TOPORS: variants seen among roughly 807,000 people sequenced by gnomAD.
TOPORS encodes TOP1 binding arginine/serine rich protein, E3 ubiquitin ligase.
In TOPORS, 25 loss-of-function variants were observed where a neutral mutation model predicts 81.4. The observed-to-expected ratio is 0.31, with a 90% confidence interval of 0.22 to 0.43. TOPORS has a LOEUF of 0.43. TOPORS is among the 20% of genes least tolerant of loss of function. TOPORS has a pLI of 1.00. For synonymous variants in TOPORS, 473 were observed against 456.6 expected (o/e 1.04, Z -0.46); for missense variants, 1,101 against 1,267.0 (o/e 0.87, Z 1.99).
chr9:32,549,795 C>T (rs1418526581), intron 2 of TOPORS, among the ~76,000 whole-genome samples: 1 of 152,154 alleles, frequency 6.6e-6, no homozygotes, highest in African/African-American at 2.4e-5. Flanking sequence ...TAAAAATAAA[C>T]TGGTTCCTAC....
At chr9:32,552,346 C>CT in intron 1 of TOPORS, 88 bp downstream of exon 1, 1 of 1,553,398 alleles carries the variant, frequency 6.4e-7, no homozygotes, top group Non-Finnish European at 8.7e-7. Context: ...TAAAAGATGG[C>CT]TGCTGGCGCC....
intron 2 of TOPORS, among the ~76,000 whole-genome samples, chr9:32,545,274 A>T (rs1814506922): frequency 6.6e-6 from 1 of 152,008 alleles, no homozygotes; most frequent in African/African-American, 2.4e-5. Flanking sequence ...AGGCCACAGA[A>T]TATCTTGAAA....
rs533289643 is a variant in TOPORS, at chr9:32,548,038, G to T, written c.198+2736C>A. The stretch of plus-strand genomic sequence containing the variant: ...TTTTTTTTTTTGTATTTTTAGTAGA[G>T]ACGGGGTTTCACCGTGTTAGCCAGG... On this transcript the variant is annotated intron_variant, in intron 2 of 2. Transcript: ENST00000360538. 9.2e-5 allele frequency among the ~76,000 whole-genome samples: 12 copies of T among 130,528 alleles called. 1 individual carries two copies. The East Asian group carries it at 2.7e-3, about 29-fold the overall frequency. The allele number at this position is 130,528 out of a possible 152,430, so 85.6% of individuals were successfully genotyped here.
chr9:32,542,348 G>T lies in TOPORS; in HGVS notation c.2177C>A (p.Ser726Tyr). ...YESSYRRRTL[S>Y]RAHYSRQSSS... ...AGACTGTCTAGAATAATGAGCTCTG[G>T]ACAGAGTCCTCCTCCTGTAAGATGA... Residue 726 changes from serine (S) to tyrosine (Y), a missense_variant, in exon 3 of 3, where the codon TCC (serine) becomes TAC (tyrosine). This residue lies in a region of TOPORS where 605 missense variants were observed against 636.1 expected (regional missense o/e 0.95). Transcript: ENST00000360538. 1 of 1,614,050 alleles carries T rather than the reference G, an allele frequency of 6.2e-7. No individual in the cohort carries two copies. Among genetic ancestry groups the T allele is most frequent in the Non-Finnish European group, 8.5e-7 (1 of 1,180,008 alleles).
chr9:32,550,104 A>C (rs560232), intron 2 of TOPORS, among the ~76,000 whole-genome samples: 37,029 of 151,968 alleles, frequency 0.24, 4,814 homozygotes, highest in African/African-American at 0.31. Flanking sequence ...TTCTTAATTT[A>C]TCTTAAATAA....
chr9:32,542,628 C>G lies in TOPORS; in HGVS notation c.1897G>C (p.Glu633Gln), dbSNP rs1821084536. The G allele has an allele frequency of 6.2e-7, 1 of 1,614,064 alleles. No individual in the cohort carries two copies. The highest frequency in any genetic ancestry group is 8.5e-7 in the Non-Finnish European group (1 of 1,180,004). ...RMKSKRSRSRESSRPRGRRDK... is the reference protein window; with the variant it reads ...RMKSKRSRSRQSSRPRGRRDK... Reference sequence around the variant, plus strand: ...CTTCTCCCTCTAGGTCTGCTACTTTCCCTGCTTCTGGATCGTTTACTTTTC... The same window carrying G: ...CTTCTCCCTCTAGGTCTGCTACTTTGCCTGCTTCTGGATCGTTTACTTTTC... The change falls in exon 3 of 3, where the codon GAA (glutamate) becomes CAA (glutamine). Residue 633 changes from glutamate (E) to glutamine (Q), a missense_variant. Glu to Gln is a conservative substitution (Grantham distance 29). Transcript: ENST00000360538.
chr9:32,550,592 C>A (rs987368744), intron 2 of TOPORS, among the ~76,000 whole-genome samples, 182 bp downstream of exon 2: 1 of 152,126 alleles, frequency 6.6e-6, no homozygotes, highest in Admixed American at 6.5e-5. Context: ...CTCGCCTGCC[C>A]GCACCAATCC....
At chr9:32,547,995 C>T (rs989782594) in intron 2 of TOPORS, among the ~76,000 whole-genome samples, 1 of 131,206 alleles carries the variant, frequency 7.6e-6, no homozygotes, top group African/African-American at 3.0e-5. Flanking sequence ...CCACCACGCT[C>T]GGCATTTTTT....
chr9:32,547,328 T>C (rs1313231931), intron 2 of TOPORS, among the ~76,000 whole-genome samples: 3 of 152,204 alleles, frequency 2.0e-5, no homozygotes, highest in Non-Finnish European at 4.4e-5. Context: ...AAGTCGAACA[T>C]ATGACCCGGC....
chr9:32,545,391 C>A (rs1319547695), intron 2 of TOPORS, among the ~76,000 whole-genome samples: 1 of 150,814 alleles, frequency 6.6e-6, no homozygotes, highest in Non-Finnish European at 1.5e-5. Flanking sequence ...TTTGCTAGAG[C>A]TTGAAATCTA....
rs17855104 is a variant in TOPORS, at chr9:32,544,065, C to A, written c.460G>T (p.Ala154Ser). 5 of 1,614,048 alleles carry A rather than the reference C, an allele frequency of 3.1e-6. No individual in the cohort carries two copies. The African/African-American group carries it at 6.7e-5, about 22-fold the overall frequency. Residue 154 changes from alanine to serine, a missense_variant, in exon 3 of 3, where the codon GCA becomes TCA. By Grantham distance (99) the Ala-to-Ser change is moderately conservative. Around this residue, in one of 9 missense-constraint regions of TOPORS, gnomAD observed 10 missense variants for 21.4 expected, o/e 0.47. Transcript: ENST00000360538. ...PFDSIFHSVR[A>S]EDDFKEYVLR... ...ACATACTCCTTGAAGTCATCTTCTG[C>A]CCTCACAGAATGGAAAATAGAATCA...
Position 32,541,169 on chromosome 9 carries a change from T to C in TOPORS, c.*218A>G. 1 of 456,368 alleles carries C rather than the reference T, an allele frequency of 2.2e-6. No individual in the cohort carries two copies. The highest frequency in any genetic ancestry group is 3.7e-5 in the East Asian group (1 of 27,354). 28.3% of individuals were successfully genotyped at this position (456,368 alleles called of 1,614,324 possible). On this transcript the variant is annotated 3_prime_UTR_variant, in exon 3 of 3. Transcript: ENST00000360538. ...TTTAAATAAGCTGCTAGCAGTATCA[T>C]TTTCTTCACTTAAAAGTGCATATCT...
intron 2 of TOPORS, 133 bp downstream of exon 2, chr9:32,550,641 G>A (rs1821221854): frequency 1.0e-6 from 1 of 1,004,822 alleles, no homozygotes; most frequent in African/African-American, 1.6e-5. Flanking sequence ...CCCTGGCCCT[G>A]GCCCGCCGAG....
rs767276423 is a variant in TOPORS, at chr9:32,542,759, T to C, written c.1766A>G (p.His589Arg). 2.5e-6 allele frequency: 4 copies of C among 1,613,934 alleles called. No homozygotes were observed. Among genetic ancestry groups the C allele is most frequent in the African/African-American group, 1.3e-5 (1 of 74,924 alleles). ...TGATCTTCCCCTCTTTCTGTGTCTA[T>C]GGTTATATGGAGAATATACTCTGTC... is the stretch of plus-strand genomic sequence containing the variant. ...RGDRVYSPYN[H>R]RHRKRGRSRS... is the part of the protein sequence containing the mutation. Residue 589 changes from histidine to arginine, a missense_variant, in exon 3 of 3, where the codon CAT (histidine) becomes CGT (arginine). Physicochemically the swap from His to Arg is conservative, Grantham distance 29 (BLOSUM62 0). Coordinates refer to ENST00000360538, the MANE Select transcript of TOPORS (RefSeq NM_005802.5).
At chr9:32,550,709 G>A in intron 2 of TOPORS, 65 bp downstream of exon 2, 3 of 1,587,248 alleles carry the variant, frequency 1.9e-6, no homozygotes, top group Non-Finnish European at 2.6e-6. Context: ...CGCCGCTCCA[G>A]GCGGGAGCGC....
chr9:32,551,110 G>T, intron 1 of TOPORS, 142 bp from the exon 2 acceptor site: 1 of 1,079,270 alleles, frequency 9.3e-7, no homozygotes, highest in Non-Finnish European at 1.4e-6. Context: ...CTCGGGGGCG[G>T]GGCTCAGCGC....
At chr9:32,545,301 C>A (rs1404719196) in intron 2 of TOPORS, among the ~76,000 whole-genome samples, 1 of 151,806 alleles carries the variant, frequency 6.6e-6, no homozygotes, top group Non-Finnish European at 1.5e-5. Context: ...TTTTGGTCCC[C>A]TTCCCTATTA....
chr9:32,552,218 T>C (rs983264605), intron 1 of TOPORS: 1 of 633,256 alleles, frequency 1.6e-6, no homozygotes, highest in Non-Finnish European at 2.8e-6. Flanking sequence ...TTCTCGTTTA[T>C]TCCCCTCTCT....
chr9:32,551,227 A>T lies in TOPORS; in HGVS notation c.4-259T>A, dbSNP rs970731750. 18 of 591,984 alleles carry T rather than the reference A, an allele frequency of 3.0e-5. 1 individual carries two copies. The highest frequency in any genetic ancestry group is 2.4e-4 in the African/African-American group (13 of 53,750). The allele number at this position is 591,984 out of a possible 1,614,324, so 36.7% of individuals were successfully genotyped here. A position where few individuals can be genotyped will look rare whatever the true frequency, so the allele number is the denominator to read the frequency against. On this transcript the variant is annotated intron_variant, in intron 1 of 2. Coordinates refer to ENST00000360538, the MANE Select transcript of TOPORS (RefSeq NM_005802.5). ...CTCAGCCACTGGGGACACTGACTGA[A>T]TGTTCGCCCCTAACTTACCCGGAAA...
Sources: allele counts gnomAD v4.1 joint callset (sites outside exome capture counted in the v4.1 genomes callset), GRCh38; gene constraint gnomAD v4.1.1; regional missense constraint gnomAD v4.1.1; transcripts MANE v1.5; gene names NCBI Gene and HGNC (gene_info 2026-07-23, HGNC 2026-07-21).